PADI4: variants seen among roughly 807,000 people sequenced by gnomAD.
PADI4 encodes protein-arginine deiminase type-4.
Under a neutral mutation model 75.0 loss-of-function variants are expected in PADI4, and 62 were observed. The observed-to-expected ratio is 0.83, with a 90% CI of 0.67 to 1.02. PADI4 has a LOEUF of 1.02. Ranked by LOEUF, PADI4 falls within the 50% of genes least tolerant of loss-of-function variation. The pLI, the probability that PADI4 is intolerant of heterozygous loss-of-function variation, is 0.00. For synonymous variants in PADI4, 361 were observed against 348.1 expected (o/e 1.04, Z -0.41); for missense variants, 845 against 850.5 (o/e 0.99, Z 0.08).
At chr1:17,341,038 T>G (rs2074409469) in intron 6 of PADI4, among the ~76,000 whole-genome samples, 1 of 151,362 alleles carries the variant, frequency 6.6e-6, no homozygotes, top group Admixed American at 6.6e-5. Flanking sequence ...TGACCTCAAA[T>G]GATCCACTTG....
chr1:17,329,747 T>C (rs1479619143), intron 1 of PADI4, among the ~76,000 whole-genome samples: 2 of 152,218 alleles, frequency 1.3e-5, no homozygotes, highest in African/African-American at 4.8e-5. Flanking sequence ...GTTTTTTGGA[T>C]GTCACTGTTG....
chr1:17,331,632 GC>G (rs1206032175), intron 2 of PADI4, among the ~76,000 whole-genome samples: 1 of 30,326 alleles, frequency 3.3e-5, no homozygotes, highest in Non-Finnish European at 8.4e-5. Context: ...CACCATGGTG[GC>G]CTGGCCGGGC....
At chr1:17,354,385 A>G (rs954579186) in intron 10 of PADI4, 148 bp from the exon 11 acceptor site, 1 of 718,214 alleles carries the variant, frequency 1.4e-6, no homozygotes, top group Non-Finnish European at 2.5e-6. Context: ...TTAACCTTCC[A>G]CATGTGATAA....
Position 17,356,085 on chromosome 1 carries a change from C to T in PADI4, c.1413C>T (p.His471=), listed in dbSNP as rs753860987. 2.0e-5 allele frequency: 32 copies of T among 1,614,066 alleles called. No individual in the cohort carries two copies. In the East Asian group the frequency reaches 6.2e-4, roughly 31 times the overall value. ...ATTCTGACTGGCTGTCCGTGGGCCA[C>T]GTGGACGAGTTCCTGAGCTTTGTGC... is the stretch of plus-strand genomic sequence containing the variant. ...KLYSDWLSVG[H]VDEFLSFVPA... is the part of the protein sequence containing the mutation. Residue 471 remains histidine (H), a synonymous_variant, in exon 12 of 16, where the codon CAC becomes CAT. Transcript: ENST00000375448. This position sits in a 1 kb window ranked among gnomAD's most constrained non-coding sequence, Gnocchi z 4.1.
At chr1:17,326,592 C>T (rs2074120299) in intron 1 of PADI4, among the ~76,000 whole-genome samples, 1 of 152,162 alleles carries the variant, frequency 6.6e-6, no homozygotes, top group Non-Finnish European at 1.5e-5. Context: ...ATTACCTATG[C>T]TTTAATGTTT....
At chr1:17,320,638 C>T (rs2074017644) in intron 1 of PADI4, among the ~76,000 whole-genome samples, 1 of 152,136 alleles carries the variant, frequency 6.6e-6, no homozygotes, top group African/African-American at 2.4e-5. Flanking sequence ...TTTTAGCATG[C>T]TAATGTATTA....
rs71575827 is a variant in PADI4 at position 17,324,146 on chromosome 1, G to GTTTTTTTTTTTTTTTTTTTTTTTTT, written c.93-6815_93-6814insTTTTTTTTTTTTTTTTTTTTTTTTT. Among the ~76,000 whole-genome samples, 6 of 113,908 alleles carry GTTTTTTTTTTTTTTTTTTTTTTTTT rather than the reference G, an allele frequency of 5.3e-5. 2 individuals are homozygous for GTTTTTTTTTTTTTTTTTTTTTTTTT. Among genetic ancestry groups the GTTTTTTTTTTTTTTTTTTTTTTTTT allele is most frequent in the African/African-American group, 9.9e-5 (3 of 30,214 alleles). The allele number at this position is 113,908 out of a possible 152,430, so 74.7% of individuals were successfully genotyped here. ...GGGCTGGCTAATAACACCAAGTTGGGTTTTTTTTGTTTTTTTTTTTTTGCA... is the reference window on the plus strand; with the variant it reads ...GGGCTGGCTAATAACACCAAGTTGGGTTTTTTTTTTTTTTTTTTTTTTTTTTTTTTTTTGTTTTTTTTTTTTTGCA... On this transcript the variant is annotated intron_variant, in intron 1 of 15. Transcript: ENST00000375448.
chr1:17,354,597 T>C lies in PADI4; in HGVS notation c.1220T>C (p.Phe407Ser), dbSNP rs868589023. The C allele has an allele frequency of 1.9e-6, 3 of 1,614,156 alleles. No individual in the cohort carries two copies. The African/African-American group carries it at 4.0e-5, about 22-fold the overall frequency. ...QTGGISGLDS[F>S]GNLEVSPPVT... ...GGGGGTATCAGTGGACTGGACTCCTTTGGGAACCTGGAAGTGAGCCCCCCA... is the reference window on the plus strand; with the variant it reads ...GGGGGTATCAGTGGACTGGACTCCTCTGGGAACCTGGAAGTGAGCCCCCCA... Residue 407 changes from phenylalanine (F) to serine (S), a missense_variant, in exon 11 of 16, where the codon TTT becomes TCT. Physicochemically the swap from Phe to Ser is radical, Grantham distance 155. Transcript: ENST00000375448.
At chr1:17,363,130 A>T (rs2074869753) in intron 15 of PADI4, among the ~76,000 whole-genome samples, 1 of 150,748 alleles carries the variant, frequency 6.6e-6, no homozygotes, top group Admixed American at 6.6e-5. Flanking sequence ...TTTATTTTTG[A>T]GGTAGAGTCT....
chr1:17,332,670 C>T (rs921227803), intron 2 of PADI4, among the ~76,000 whole-genome samples: 1 of 152,180 alleles, frequency 6.6e-6, no homozygotes, highest in Non-Finnish European at 1.5e-5. Flanking sequence ...TACTACACCC[C>T]CTTTGCCTGT....
At chr1:17,322,533 G>T (rs2074048517) in intron 1 of PADI4, among the ~76,000 whole-genome samples, 1 of 152,110 alleles carries the variant, frequency 6.6e-6, no homozygotes, top group African/African-American at 2.4e-5. Flanking sequence ...TTGCTAGGGA[G>T]AAATTCAACA....
intron 13 of PADI4, among the ~76,000 whole-genome samples, chr1:17,357,752 G>A (rs1454114591): frequency 6.6e-6 from 1 of 150,888 alleles, no homozygotes; most frequent in Non-Finnish European, 1.5e-5. Context: ...CCAAGATGGT[G>A]AAACCCCGTC....
At position 17,352,070 on chromosome 1, in the gene PADI4, G is replaced by T. The variant is rs147820535; in HGVS notation, c.1156-2463G>T. Among the ~76,000 whole-genome samples, 45 of 121,822 alleles carry T rather than the reference G, an allele frequency of 3.7e-4. 1 individual carries two copies. Among genetic ancestry groups the T allele is most frequent in the African/African-American group, 5.7e-4 (17 of 30,078 alleles). 79.9% of individuals were successfully genotyped at this position (121,822 alleles called of 152,430 possible). ...CAGTCAGGGAGGTGATGGGAGGTGGGAAGAGAGGCAGTCAGGGAGGTGATG... is the reference window on the plus strand; with the variant it reads ...CAGTCAGGGAGGTGATGGGAGGTGGTAAGAGAGGCAGTCAGGGAGGTGATG... On this transcript the variant is annotated intron_variant, in intron 10 of 15. Coordinates refer to ENST00000375448, the MANE Select transcript of PADI4 (RefSeq NM_012387.3).
At chr1:17,351,609 CAAAAA>C (rs56047360) in intron 10 of PADI4, among the ~76,000 whole-genome samples, 44,940 of 97,626 alleles carry the variant, frequency 0.46, 9,416 homozygotes, top group South Asian at 0.64. Context: ...GACCTGGTCT[CAAAAA>C]AAAAAAAAAA....
At chr1:17,357,449 G>A (rs1026985899) in intron 13 of PADI4, among the ~76,000 whole-genome samples, 4 of 152,134 alleles carry the variant, frequency 2.6e-5, no homozygotes, top group Non-Finnish European at 5.9e-5. Context: ...TTACAGGCAT[G>A]AGCCACCACG....
At position 17,351,135 on chromosome 1, in the gene PADI4, C is replaced by G. The variant is rs61763758; in HGVS notation, c.1155+3087C>G. Reference sequence around the variant, plus strand: ...ATCGCTTGAGCCCAGGAGGTCAAGGCTGCAGCGAGTCATGATTGCACTTCT... The same window carrying G: ...ATCGCTTGAGCCCAGGAGGTCAAGGGTGCAGCGAGTCATGATTGCACTTCT... On this transcript the variant is annotated intron_variant, in intron 10 of 15. Coordinates refer to ENST00000375448, the MANE Select transcript of PADI4 (RefSeq NM_012387.3). 5.4e-3 allele frequency among the ~76,000 whole-genome samples: 399 copies of G among 74,170 alleles called. 26 individuals carry two copies. The highest frequency in any genetic ancestry group is 0.012 in the African/African-American group (369 of 31,862). The allele number at this position is 74,170 out of a possible 152,430, so 48.7% of individuals were successfully genotyped here.
intron 1 of PADI4, among the ~76,000 whole-genome samples, chr1:17,323,942 G>A (rs374303227): frequency 6.6e-6 from 1 of 151,968 alleles, no homozygotes; most frequent in Non-Finnish European, 1.5e-5. Context: ...GCCTCTCTAG[G>A]GATTGTCCAC....
chr1:17,317,176 T>C (rs528928722), intron 1 of PADI4, among the ~76,000 whole-genome samples: 5 of 152,080 alleles, frequency 3.3e-5, no homozygotes, highest in Admixed American at 6.6e-5. Flanking sequence ...TCCACTTGCC[T>C]CAGCTTCCCA....
rs189976928 is a variant in PADI4 at position 17,308,306 on chromosome 1, C to T, written c.84C>T (p.Asp28=). 2 of 1,613,686 alleles carry T rather than the reference C, an allele frequency of 1.2e-6. No homozygotes were observed. The highest frequency in any genetic ancestry group is 1.3e-5 in the African/African-American group (1 of 75,038). ...TGCTGGGCACCTTGACTCAGCTTGA[C>T]ATCTGCAGGTAAGAGGGGGGCCTTC... ...VCVLGTLTQL[D]ICSSAPEDCT... The change falls in exon 1 of 16, where the codon GAC becomes GAT. Residue 28 remains aspartate, a synonymous_variant. Transcript: ENST00000375448.
Sources: allele counts gnomAD v4.1 joint callset (sites outside exome capture counted in the v4.1 genomes callset), GRCh38; gene constraint gnomAD v4.1.1; non-coding constraint Gnocchi (gnomAD v3.1); transcripts MANE v1.5; gene names NCBI Gene and HGNC (gene_info 2026-07-23, HGNC 2026-07-21).